Variants in MAD1L1 observed in about 807,000 individuals in gnomAD.
MAD1L1 encodes mitotic arrest deficient 1 like 1.
In MAD1L1, 95 loss-of-function variants were observed where a neutral mutation model predicts 96.9. The observed-to-expected ratio is 0.98, with a 90% CI of 0.83 to 1.16. The LOEUF (loss-of-function observed/expected upper bound fraction) is 1.16. Ranked by LOEUF, MAD1L1 falls within the 50% of genes most tolerant of loss-of-function variation. MAD1L1 has a pLI of 0.00. For missense variants in MAD1L1, 1,007 were observed against 954.4 expected (o/e 1.06, Z -0.73); for synonymous variants, 473 against 396.6 (o/e 1.19, Z -2.29).
In MAD1L1 at chr7:1,816,266, G is replaced by C. The variant is rs759257559; in HGVS notation, c.1999-38C>G. The C allele has an allele frequency of 6.3e-6, 10 of 1,585,908 alleles. No individual in the cohort carries two copies. In the African/African-American group the frequency reaches 1.2e-4, roughly 19 times the overall value. On this transcript the variant is annotated intron_variant, in intron 18 of 18. Coordinates refer to ENST00000265854, the MANE Select transcript of MAD1L1 (RefSeq NM_001013836.2). ...CAAGAAAGAGACAAGACAGCGGTCA[G>C]CCCGACAGGCCTCTCCCTCTCCCCT...
intron 16 of MAD1L1, among the ~76,000 whole-genome samples, chr7:1,942,526 C>T (rs1261770464): frequency 6.6e-6 from 1 of 152,172 alleles, no homozygotes; most frequent in Non-Finnish European, 1.5e-5. Flanking sequence ...AGCCGAGTGT[C>T]GGGATGGGAG....
intron 10 of MAD1L1, among the ~76,000 whole-genome samples, chr7:2,167,513 C>T (rs1790493348): frequency 1.3e-5 from 2 of 152,106 alleles, no homozygotes; most frequent in South Asian, 4.2e-4. Context: ...CACGCCACTG[C>T]ACTCCAGCCT....
intron 14 of MAD1L1, among the ~76,000 whole-genome samples, chr7:1,985,514 T>A (rs1781099608): frequency 6.6e-6 from 1 of 152,254 alleles, no homozygotes. Flanking sequence ...GAGCCTAACA[T>A]GCAGCTCGAT....
rs942060707 is a variant in MAD1L1, at chr7:1,853,089, G to A, written c.1999-36861C>T. On this transcript the variant is annotated intron_variant, in intron 18 of 18. Coordinates refer to ENST00000265854, the MANE Select transcript of MAD1L1 (RefSeq NM_001013836.2). ...GACATGCACCAGGAGACTGGAGCCCGGGAGAGCCAGGGAGAGCCCCGAGGA... is the reference window on the plus strand; with the variant it reads ...GACATGCACCAGGAGACTGGAGCCCAGGAGAGCCAGGGAGAGCCCCGAGGA... Among the ~76,000 whole-genome samples, 17 of 152,256 alleles carry A rather than the reference G, an allele frequency of 1.1e-4. 1 individual carries two copies. The East Asian group carries it at 2.5e-3, about 22-fold the overall frequency.
chr7:2,189,641 G>A (rs556078553), intron 10 of MAD1L1, among the ~76,000 whole-genome samples: 8 of 152,312 alleles, frequency 5.3e-5, no homozygotes, highest in East Asian at 3.9e-4. Flanking sequence ...TAGAGCCAAC[G>A]GGGGAGCACA....
chr7:2,026,796 A>C (rs189483690), intron 12 of MAD1L1, among the ~76,000 whole-genome samples: 3 of 152,380 alleles, frequency 2.0e-5, no homozygotes, highest in Non-Finnish European at 2.9e-5. Context: ...CTAAATTGAC[A>C]ACCTTAAATG....
At chr7:2,188,117 C>T (rs1008034923) in intron 10 of MAD1L1, among the ~76,000 whole-genome samples, 1 of 152,218 alleles carries the variant, frequency 6.6e-6, no homozygotes, top group Non-Finnish European at 1.5e-5. Context: ...TATGATGTTA[C>T]ATAACCATGC....
At chr7:2,130,953 C>T (rs1053476843) in intron 11 of MAD1L1, among the ~76,000 whole-genome samples, 2 of 152,346 alleles carry the variant, frequency 1.3e-5, no homozygotes, top group East Asian at 1.9e-4. Context: ...TGCTAAGCTT[C>T]CCTAAACTTG....
intron 4 of MAD1L1, chr7:2,223,385 T>A (rs1415378183): frequency 2.0e-5 from 3 of 152,282 alleles, no homozygotes; most frequent in African/African-American, 7.2e-5. Context: ...TCAGACCTCC[T>A]GACTCTAATG....
At position 1,864,820 on chromosome 7, in the gene MAD1L1, C is replaced by T. The variant is rs114624766; in HGVS notation, c.1998+33380G>A. 9.3e-3 allele frequency among the ~76,000 whole-genome samples: 1,422 copies of T among 152,272 alleles called. 21 individuals carry two copies. The highest frequency in any genetic ancestry group is 0.033 in the African/African-American group (1,372 of 41,540). The stretch of plus-strand genomic sequence containing the variant: ...CCCCCACTCCGCCCCTTTCTCGCTG[C>T]GTACTCTCTGCACACAACAGCTCCC... On this transcript the variant is annotated intron_variant, in intron 18 of 18. Coordinates refer to ENST00000265854, the MANE Select transcript of MAD1L1 (RefSeq NM_001013836.2).
At chr7:2,054,765 T>C (rs1161923759) in intron 12 of MAD1L1, among the ~76,000 whole-genome samples, 1 of 152,192 alleles carries the variant, frequency 6.6e-6, no homozygotes, top group Non-Finnish European at 1.5e-5. Flanking sequence ...CCTGCAGGCT[T>C]TGCACCGATC....
chr7:2,118,379 A>C (rs1457265842), intron 11 of MAD1L1, among the ~76,000 whole-genome samples: 2 of 151,778 alleles, frequency 1.3e-5, no homozygotes, highest in Admixed American at 6.6e-5. Flanking sequence ...GACCAGCAGG[A>C]CCTCCCCCTG....
At chr7:2,159,568 CTG>C (rs146418213) in intron 10 of MAD1L1, among the ~76,000 whole-genome samples, 1 of 152,308 alleles carries the variant, frequency 6.6e-6, no homozygotes, top group Non-Finnish European at 1.5e-5. Flanking sequence ...AGGCATGGGA[CTG>C]TTTTTTATTT....
At chr7:2,216,086 G>C (rs1423192885) in intron 8 of MAD1L1, 71 bp downstream of exon 8, 7 of 1,607,936 alleles carry the variant, frequency 4.4e-6, no homozygotes, top group East Asian at 4.5e-5. Context: ...TACAGGGTCT[G>C]CACAGTGGGC....
At chr7:1,927,329 A>G (rs967045161) in intron 17 of MAD1L1, among the ~76,000 whole-genome samples, 8 of 152,250 alleles carry the variant, frequency 5.3e-5, no homozygotes, top group African/African-American at 1.9e-4. Flanking sequence ...TGACAGATGC[A>G]GTAATTCCTC....
chr7:1,959,371 G>C (rs970307268), intron 15 of MAD1L1, among the ~76,000 whole-genome samples: 1 of 152,200 alleles, frequency 6.6e-6, no homozygotes, highest in Non-Finnish European at 1.5e-5. Context: ...GTCCCCAAAA[G>C]AAAGAAGGCA....
At chr7:2,002,187 G>A (rs1781828688) in intron 13 of MAD1L1, 66 bp from the exon 14 acceptor site, 6 of 1,488,922 alleles carry the variant, frequency 4.0e-6, no homozygotes, top group East Asian at 2.3e-5. Context: ...AGGACTGCAG[G>A]GAACACAACC....
chr7:2,119,584 C>T lies in MAD1L1; in HGVS notation c.1073+29568G>A, dbSNP rs1787878481. ...GCCCGAGCTCTGACCCACATGCAGA[C>T]ATCAGAGGCCTCCAAGCCCTTGACT... On this transcript the variant is annotated intron_variant, in intron 11 of 18. Coordinates refer to ENST00000265854, the MANE Select transcript of MAD1L1 (RefSeq NM_001013836.2). This position sits in a 1 kb window ranked among gnomAD's most constrained non-coding sequence, Gnocchi z 4.6. 6.6e-6 allele frequency among the ~76,000 whole-genome samples: 1 copy of T among 152,188 alleles called. No homozygotes were observed.
chr7:2,194,310 G>C (rs953963982), intron 10 of MAD1L1, among the ~76,000 whole-genome samples: 5 of 152,206 alleles, frequency 3.3e-5, no homozygotes, highest in African/African-American at 1.2e-4. Flanking sequence ...TGTATCCTCA[G>C]GTAGGAGTTA....
Sources: gnomAD v4.1 joint callset for allele counts (sites outside exome capture counted in the v4.1 genomes callset) on GRCh38, gnomAD v4.1.1 for gene constraint, Gnocchi (gnomAD v3.1) non-coding constraint, MANE v1.5 for transcripts, NCBI Gene and HGNC (gene_info 2026-07-23, HGNC 2026-07-21) for gene names.